KIF26B: variants seen among roughly 807,000 people sequenced by gnomAD.
The protein encoded by KIF26B is kinesin family member 26B, also known as kinesin-like protein KIF26B.
Under a neutral mutation model 151.2 loss-of-function variants are expected in KIF26B, and 63 were observed. The ratio of observed to expected loss-of-function variants is 0.42; its 90% confidence interval spans 0.34 to 0.51. The LOEUF is 0.51. KIF26B is among the 20% of genes least tolerant of loss of function. The pLI is 0.07. For synonymous variants in KIF26B, 1,357 were observed against 1,262.1 expected, an observed-to-expected ratio of 1.08 and a Z score of -1.59; for missense variants, 2,813 against 2,913.6, an observed-to-expected ratio of 0.97 and a Z score of 0.79.
intron 4 of KIF26B, among the ~76,000 whole-genome samples, chr1:245,449,451 C>T (rs561997962): frequency 3.3e-5 from 5 of 152,194 alleles, no homozygotes; most frequent in East Asian, 3.9e-4. Flanking sequence ...CTAGTAATCA[C>T]TTGCATTGTC....
Position 245,350,997 on chromosome 1 carries a change from G to C in KIF26B, c.466-15837G>C, listed in dbSNP as rs373864891. Among the ~76,000 whole-genome samples the C allele has an allele frequency of 4.7e-4, 71 of 152,302 alleles. No homozygotes were observed. In the South Asian group the frequency reaches 0.014, roughly 29 times the overall value. On this transcript the variant is annotated intron_variant, in intron 2 of 14. Transcript: ENST00000407071. ...GGTCACCAAAGCAGTGAGGGGAGGA[G>C]GGCAAGGAATTGACTCCTCACATGT...
At chr1:245,459,765 T>C (rs745551936) in intron 4 of KIF26B, among the ~76,000 whole-genome samples, 1 of 151,964 alleles carries the variant, frequency 6.6e-6, no homozygotes, top group African/African-American at 2.4e-5. Flanking sequence ...AACCCAATAG[T>C]GCAGACCTGG....
chr1:245,194,789 G>A (rs1315934689), intron 2 of KIF26B, among the ~76,000 whole-genome samples: 1 of 152,128 alleles, frequency 6.6e-6, no homozygotes, highest in South Asian at 2.1e-4. Flanking sequence ...TAAGAATGCT[G>A]GTAATCAGGT....
At chr1:245,682,394 CAA>C (rs1252252400) in intron 10 of KIF26B, among the ~76,000 whole-genome samples, 2 of 152,338 alleles carry the variant, frequency 1.3e-5, no homozygotes, top group African/African-American at 4.8e-5. Context: ...CCATGAATAA[CAA>C]GAGCTGACTG....
rs2042974891 is a variant in KIF26B at position 245,563,414 on chromosome 1, A to G, written c.1350+22464A>G. 6.6e-6 allele frequency among the ~76,000 whole-genome samples: 1 copy of G among 152,148 alleles called. No homozygotes were observed. Among genetic ancestry groups the G allele is most frequent in the Non-Finnish European group, 1.5e-5 (1 of 68,036 alleles). ...TTCTCAAGGATCACTGGTCTTTCGCATATACCCTCTTGCTCCCGAATCATT... is the reference window on the plus strand; with the variant it reads ...TTCTCAAGGATCACTGGTCTTTCGCGTATACCCTCTTGCTCCCGAATCATT... On this transcript the variant is annotated intron_variant, in intron 5 of 14. Coordinates refer to ENST00000407071, the MANE Select transcript of KIF26B (RefSeq NM_018012.4). The surrounding 1 kb of genome is among the most constrained non-coding windows in gnomAD (Gnocchi z 4.6).
Position 245,390,937 on chromosome 1 carries a change from A to ACAAAACAAAAC in KIF26B, c.999+23570_999+23571insCAAAACAAAAC. Reference sequence around the variant, plus strand: ...ACCCTGTCTCAAAAAAAAAAAAAAAAAAAAAAAAAAAAAAACCACCATAAA... The same window carrying ACAAAACAAAAC: ...ACCCTGTCTCAAAAAAAAAAAAAAAACAAAACAAAACAAAAAAAAAAAAAAACCACCATAAA... On this transcript the variant is annotated intron_variant, in intron 3 of 14. Coordinates refer to ENST00000407071, the MANE Select transcript of KIF26B (RefSeq NM_018012.4). Among the ~76,000 whole-genome samples, 2 of 143,220 alleles carry ACAAAACAAAAC rather than the reference A, an allele frequency of 1.4e-5. 1 individual carries two copies. Among genetic ancestry groups the ACAAAACAAAAC allele is most frequent in the African/African-American group, 5.4e-5 (2 of 37,360 alleles). 94.0% of individuals were successfully genotyped at this position (143,220 alleles called of 152,430 possible). A position where few individuals can be genotyped will look rare whatever the true frequency, so the allele number is the denominator to read the frequency against.
At chr1:245,292,444 C>A (rs1671268317) in intron 2 of KIF26B, among the ~76,000 whole-genome samples, 1 of 152,200 alleles carries the variant, frequency 6.6e-6, no homozygotes, top group Non-Finnish European at 1.5e-5. Flanking sequence ...TCAAACGGTC[C>A]TTGCTAGTGG....
At chr1:245,416,683 A>C (rs1056398823) in intron 3 of KIF26B, among the ~76,000 whole-genome samples, 1 of 152,204 alleles carries the variant, frequency 6.6e-6, no homozygotes, top group African/African-American at 2.4e-5. Flanking sequence ...ATCTGCAGGA[A>C]AAGTGGGAGC....
In KIF26B at chr1:245,182,808, T is replaced by G. The variant is rs188681370; in HGVS notation, c.465+26125T>G. On this transcript the variant is annotated intron_variant, in intron 2 of 14. Transcript: ENST00000407071. ...GTGCCACCATGCCTGGCTAATTTTTTGTATTTTTAGTAGAGACAGGGTTTC... is the reference window on the plus strand; with the variant it reads ...GTGCCACCATGCCTGGCTAATTTTTGGTATTTTTAGTAGAGACAGGGTTTC... Among the ~76,000 whole-genome samples the G allele has an allele frequency of 6.2e-3, 945 of 152,256 alleles. 5 individuals are homozygous for G. Among genetic ancestry groups the G allele is most frequent in the Non-Finnish European group, 0.011 (735 of 68,012 alleles).
At chr1:245,542,884 A>G (rs2103104124) in intron 5 of KIF26B, among the ~76,000 whole-genome samples, 1 of 152,344 alleles carries the variant, frequency 6.6e-6, no homozygotes, top group East Asian at 1.9e-4. Flanking sequence ...TCAAGCTGTC[A>G]GTGCAGTGAC....
At chr1:245,276,651 A>G (rs2102965888) in intron 2 of KIF26B, among the ~76,000 whole-genome samples, 1 of 152,220 alleles carries the variant, frequency 6.6e-6, no homozygotes, top group African/African-American at 2.4e-5. Flanking sequence ...TCTTGCTTAC[A>G]CTGTGCTGAC....
At chr1:245,224,289 G>GA (rs56263815) in intron 2 of KIF26B, among the ~76,000 whole-genome samples, 14 of 147,954 alleles carry the variant, frequency 9.5e-5, no homozygotes, top group African/African-American at 3.3e-4. Context: ...CCGTCTCAAA[G>GA]AAAAAAAAAA....
At chr1:245,496,197 G>A (rs1368048406) in intron 4 of KIF26B, among the ~76,000 whole-genome samples, 1 of 152,074 alleles carries the variant, frequency 6.6e-6, no homozygotes, top group African/African-American at 2.4e-5. Flanking sequence ...CTGGATAGAG[G>A]GATGGATAAA....
chr1:245,585,397 G>A (rs1394042816), intron 5 of KIF26B, among the ~76,000 whole-genome samples: 1 of 152,178 alleles, frequency 6.6e-6, no homozygotes, highest in Non-Finnish European at 1.5e-5. Flanking sequence ...GTTTCCGTTA[G>A]GAGACAGAAA....
intron 2 of KIF26B, among the ~76,000 whole-genome samples, chr1:245,331,793 G>A (rs948903051): frequency 2.0e-5 from 3 of 152,160 alleles, no homozygotes; most frequent in African/African-American, 7.2e-5. Flanking sequence ...TGTAGAAAAT[G>A]CAGGGATTTT....
At chr1:245,288,169 A>G (rs1051228111) in intron 2 of KIF26B, among the ~76,000 whole-genome samples, 1 of 152,160 alleles carries the variant, frequency 6.6e-6, no homozygotes, top group South Asian at 2.1e-4. Flanking sequence ...TCTGCTCTGA[A>G]TACTTATCTC....
At chr1:245,350,990 G>T (rs1000466696) in intron 2 of KIF26B, among the ~76,000 whole-genome samples, 3 of 152,144 alleles carry the variant, frequency 2.0e-5, no homozygotes, top group Non-Finnish European at 2.9e-5. Flanking sequence ...AAGCAGTGAG[G>T]GGAGGAGGGC....
In KIF26B at chr1:245,385,559, G is replaced by T. The variant is rs183517215; in HGVS notation, c.999+18192G>T. 1.5e-3 allele frequency among the ~76,000 whole-genome samples: 229 copies of T among 152,316 alleles called. 2 individuals carry two copies. The highest frequency in any genetic ancestry group is 5.4e-3 in the African/African-American group (224 of 41,558). On this transcript the variant is annotated intron_variant, in intron 3 of 14. Coordinates refer to ENST00000407071, the MANE Select transcript of KIF26B (RefSeq NM_018012.4). Reference sequence around the variant, plus strand: ...TCACTGGGAGGGCAGCTCAGGACAGGATTATAAAGAGATGGAAAGAGGAGC... The same window carrying T: ...TCACTGGGAGGGCAGCTCAGGACAGTATTATAAAGAGATGGAAAGAGGAGC...
chr1:245,426,327 A>G (rs938662048), intron 4 of KIF26B, among the ~76,000 whole-genome samples: 1 of 152,008 alleles, frequency 6.6e-6, no homozygotes, highest in African/African-American at 2.4e-5. Context: ...TTTTCTGGAT[A>G]AATGTTGGTG....
Sources: allele counts gnomAD v4.1 joint callset (sites outside exome capture counted in the v4.1 genomes callset), GRCh38; gene constraint gnomAD v4.1.1; non-coding constraint Gnocchi (gnomAD v3.1); transcripts MANE v1.5; gene names NCBI Gene and HGNC (gene_info 2026-07-23, HGNC 2026-07-21).